The following MTX2 variants were observed in gnomAD, a reference collection of about 807,000 sequenced individuals.
MTX2 encodes metaxin-2.
MTX2 carries 35 observed loss-of-function variants against 42.3 expected under a neutral mutation model. The observed-to-expected ratio is 0.83, with a 90% confidence interval of 0.63 to 1.10. The LOEUF is 1.10. Among genes scored for constraint, MTX2 ranks in the 50% least tolerant of loss-of-function variants. The pLI is 0.00. For missense variants in MTX2, 307 were observed against 304.1 expected (o/e 1.01, Z -0.07); for synonymous variants, 119 against 100.9 (o/e 1.18, Z -1.08).
intron 1 of MTX2, among the ~76,000 whole-genome samples, chr2:176,286,157 A>G (rs1055991405): frequency 3.3e-5 from 5 of 152,148 alleles, no homozygotes; most frequent in African/African-American, 9.7e-5. Flanking sequence ...GGCCATTTGT[A>G]TATCTCCTTT....
intron 6 of MTX2, among the ~76,000 whole-genome samples, 186 bp downstream of exon 6, chr2:176,328,571 T>C (rs1412923835): frequency 6.6e-6 from 1 of 151,284 alleles, no homozygotes; most frequent in Non-Finnish European, 1.5e-5. Context: ...TCAGTTCTAG[T>C]TTTTCTGTTT....
intron 1 of MTX2, among the ~76,000 whole-genome samples, chr2:176,277,129 A>G (rs1692968693): frequency 1.3e-5 from 2 of 152,192 alleles, no homozygotes; most frequent in African/African-American, 4.8e-5. Flanking sequence ...TAAAACAGGT[A>G]TGTTTTTAAA....
chr2:176,331,492 T>C (rs1684862673), intron 9 of MTX2, among the ~76,000 whole-genome samples: 1 of 151,224 alleles, frequency 6.6e-6, no homozygotes, highest in African/African-American at 2.4e-5. Flanking sequence ...ATTCCTCTTC[T>C]ATAACCATAT....
In MTX2 at chr2:176,269,487, C is replaced by G; in HGVS notation, c.-143C>G. ...GTAACCTTGGGGGCCTCACTGCAGC[C>G]GCCGCTGCTGTTGGAGTGGGCTTTG... On this transcript the variant is annotated 5_prime_UTR_variant, in exon 1 of 10. Coordinates refer to ENST00000249442, the MANE Select transcript of MTX2 (RefSeq NM_006554.5). The G allele has an allele frequency of 1.1e-6, 1 of 923,390 alleles. No homozygotes were observed. Among genetic ancestry groups the G allele is most frequent in the South Asian group, 1.8e-5 (1 of 54,190 alleles). 57.2% of individuals were successfully genotyped at this position (923,390 alleles called of 1,614,324 possible). A position where few individuals can be genotyped will look rare whatever the true frequency, so the allele number is the denominator to read the frequency against.
chr2:176,320,480 A>T (rs577426732), intron 3 of MTX2, among the ~76,000 whole-genome samples: 1 of 152,212 alleles, frequency 6.6e-6, no homozygotes, highest in African/African-American at 2.4e-5. Context: ...GTTCTACTGA[A>T]GGCCTCAATC....
intron 1 of MTX2, among the ~76,000 whole-genome samples, chr2:176,276,960 G>A (rs1002397170): frequency 5.3e-5 from 8 of 151,820 alleles, no homozygotes; most frequent in Admixed American, 2.0e-4. Flanking sequence ...AAGAATGGTC[G>A]GAATATTCCA....
chr2:176,314,788 C>T (rs1684397817), intron 3 of MTX2, among the ~76,000 whole-genome samples: 1 of 152,148 alleles, frequency 6.6e-6, no homozygotes, highest in Non-Finnish European at 1.5e-5. Context: ...TTATACTGCT[C>T]TTATGGGACA....
intron 3 of MTX2, among the ~76,000 whole-genome samples, chr2:176,300,572 G>T (rs1683999764): frequency 6.6e-6 from 1 of 152,040 alleles, no homozygotes; most frequent in Admixed American, 6.6e-5. Flanking sequence ...AGACACTGCA[G>T]GTTTAGAATA....
At chr2:176,319,801 C>G (rs1684533632) in intron 3 of MTX2, among the ~76,000 whole-genome samples, 1 of 152,014 alleles carries the variant, frequency 6.6e-6, no homozygotes, top group Non-Finnish European at 1.5e-5. Flanking sequence ...GTCTCAAACT[C>G]CTGAGCTTGT....
At chr2:176,278,039 TG>T in intron 1 of MTX2, among the ~76,000 whole-genome samples, 1 of 139,202 alleles carries the variant, frequency 7.2e-6, no homozygotes, top group Non-Finnish European at 1.5e-5. Flanking sequence ...AGGTTGAAAC[TG>T]GTTTTTTTTT....
At position 176,309,374 on chromosome 2, in the gene MTX2, T is replaced by C. The variant is rs961137558; in HGVS notation, c.135+11479T>C. Among the ~76,000 whole-genome samples, 4 of 152,302 alleles carry C rather than the reference T, an allele frequency of 2.6e-5. No homozygotes were observed. In the East Asian group the frequency reaches 7.7e-4, roughly 29 times the overall value. On this transcript the variant is annotated intron_variant, in intron 3 of 9. Transcript: ENST00000249442. ...TGAGAAGAATGTATATTCTGTTGAA[T>C]TGGGGTGGAGAGTTCTGTAGGTGTC...
At chr2:176,306,081 C>G (rs934849029) in intron 3 of MTX2, among the ~76,000 whole-genome samples, 1 of 151,714 alleles carries the variant, frequency 6.6e-6, no homozygotes, top group Non-Finnish European at 1.5e-5. Flanking sequence ...CACCCCCTGA[C>G]AGGCCCCAGT....
intron 3 of MTX2, among the ~76,000 whole-genome samples, chr2:176,307,065 A>C (rs1007891101): frequency 6.6e-6 from 1 of 152,196 alleles, no homozygotes; most frequent in African/African-American, 2.4e-5. Context: ...TCTTTAATGC[A>C]TCTTGAATTA....
intron 3 of MTX2, among the ~76,000 whole-genome samples, chr2:176,315,094 C>T (rs1684405416): frequency 6.6e-6 from 1 of 152,094 alleles, no homozygotes. Context: ...TTTAATAGAA[C>T]CTGCTTATCT....
intron 3 of MTX2, among the ~76,000 whole-genome samples, chr2:176,298,393 A>G (rs939730410): frequency 7.2e-5 from 11 of 152,088 alleles, no homozygotes; most frequent in African/African-American, 2.7e-4. Context: ...TATTGATTAC[A>G]TGAGTGTTTA....
At chr2:176,293,143 A>G (rs1325244611) in intron 1 of MTX2, among the ~76,000 whole-genome samples, 1 of 152,194 alleles carries the variant, frequency 6.6e-6, no homozygotes, top group Non-Finnish European at 1.5e-5. Context: ...TTTTTATTCT[A>G]AAGCATAAGT....
At chr2:176,316,531 A>C (rs10172341) in intron 3 of MTX2, among the ~76,000 whole-genome samples, 6,389 of 152,122 alleles carry the variant, frequency 0.042, 158 homozygotes, top group Middle Eastern at 0.085. Flanking sequence ...CCTCCCAAGT[A>C]GCTGGGACTA....
At chr2:176,275,199 A>G (rs996090337) in intron 1 of MTX2, among the ~76,000 whole-genome samples, 3 of 152,072 alleles carry the variant, frequency 2.0e-5, no homozygotes, top group Admixed American at 1.3e-4. Context: ...ATGCTTTTGA[A>G]TGAATAGTTG....
intron 1 of MTX2, among the ~76,000 whole-genome samples, chr2:176,288,450 A>G (rs1693256143): frequency 6.6e-6 from 1 of 151,930 alleles, no homozygotes; most frequent in African/African-American, 2.4e-5. Context: ...ATGCTCTTTG[A>G]ACATTTTGTT....
Sources: gnomAD v4.1 joint callset for allele counts (sites outside exome capture counted in the v4.1 genomes callset) on GRCh38, gnomAD v4.1.1 for gene constraint, MANE v1.5 for transcripts, NCBI Gene and HGNC (gene_info 2026-07-23, HGNC 2026-07-21) for gene names.